The following TMX4 variants were observed in gnomAD, a reference collection of about 807,000 sequenced individuals.
TMX4 encodes thioredoxin-related transmembrane protein 4.
A neutral mutation model predicts 33.3 loss-of-function variants in TMX4; 23 were observed. The ratio of observed to expected loss-of-function variants is 0.69; its 90% CI spans 0.50 to 0.98. TMX4 has a LOEUF of 0.98. Ranked by LOEUF, TMX4 falls within the 50% of genes least tolerant of loss-of-function variation. TMX4 has a pLI of 0.00. For synonymous variants in TMX4, 164 were observed against 161.5 expected, an observed-to-expected ratio of 1.02 and a Z score of -0.12; for missense variants, 399 against 448.9, an observed-to-expected ratio of 0.89 and a Z score of 1.01.
At position 8,004,056 on chromosome 20, in the gene TMX4, C is replaced by T. The variant is rs950482465; in HGVS notation, c.293-2515G>A. Among the ~76,000 whole-genome samples the T allele has an allele frequency of 4.0e-5, 6 of 151,470 alleles. 1 individual carries two copies. The highest frequency in any genetic ancestry group is 2.0e-4 in the Admixed American group (3 of 15,172). The stretch of plus-strand genomic sequence containing the variant: ...CAACAACAACAAGATCCAGAACAGT[C>T]GAAGTCTTCCTTGGATGATGACACG... On this transcript the variant is annotated intron_variant, in intron 2 of 7. Transcript: ENST00000246024.
At chr20:7,995,046 C>T (rs1230147515) in intron 5 of TMX4, among the ~76,000 whole-genome samples, 1 of 152,098 alleles carries the variant, frequency 6.6e-6, no homozygotes, top group African/African-American at 2.4e-5. Context: ...AACCAAAAAA[C>T]CTTGTGGTAG....
chr20:7,978,489 A>G lies in TMX4; in HGVS notation c.*3762T>C, dbSNP rs1465241670. On this transcript the variant is annotated 3_prime_UTR_variant, in exon 8 of 8. Transcript: ENST00000246024. ...CAGGATGCAGGTTCTGTAGACTGAC[A>G]TATTCCCAAATCATATTAGAACATC... 1 of 152,212 alleles carries G rather than the reference A, an allele frequency of 6.6e-6. No individual in the cohort carries two copies. Among genetic ancestry groups the G allele is most frequent in the African/African-American group, 2.4e-5 (1 of 41,462 alleles). 9.4% of individuals were successfully genotyped at this position (152,212 alleles called of 1,614,324 possible). A position where few individuals can be genotyped will look rare whatever the true frequency, so the allele number is the denominator to read the frequency against.
rs982115853 is a variant in TMX4 at position 7,980,733 on chromosome 20, A to G, written c.*1518T>C. 2 of 152,234 alleles carry G rather than the reference A, an allele frequency of 1.3e-5. No homozygotes were observed. Among genetic ancestry groups the G allele is most frequent in the Non-Finnish European group, 2.9e-5 (2 of 68,044 alleles). The allele number at this position is 152,234 out of a possible 1,614,324, so 9.4% of individuals were successfully genotyped here. On this transcript the variant is annotated 3_prime_UTR_variant, in exon 8 of 8. Coordinates refer to ENST00000246024, the MANE Select transcript of TMX4 (RefSeq NM_021156.4). The stretch of plus-strand genomic sequence containing the variant: ...CTCTAAAAGTTGATGCTGTCAGAAG[A>G]ATAACCTCCTTTGTGCAAGTCTTGC...
chr20:7,983,730 G>T, intron 7 of TMX4, 64 bp downstream of exon 7: 3 of 1,378,246 alleles, frequency 2.2e-6, no homozygotes, highest in Admixed American at 1.8e-5. Context: ...ATCTATATGA[G>T]CACAAAAAGG....
In TMX4 at chr20:8,018,341, GA is replaced by G. The variant is rs1420874664; in HGVS notation, c.176+1096del. Among the ~76,000 whole-genome samples the G allele has an allele frequency of 1.6e-3, 159 of 96,708 alleles. 6 individuals carry two copies. The highest frequency in any genetic ancestry group is 6.2e-3 in the African/African-American group (149 of 23,968). The allele number at this position is 96,708 out of a possible 152,430, so 63.4% of individuals were successfully genotyped here. On this transcript the variant is annotated intron_variant, in intron 1 of 7. Coordinates refer to ENST00000246024, the MANE Select transcript of TMX4 (RefSeq NM_021156.4). ...AGAGAGACAGAGAGAGAGAGAGAGA[GA>G]GAGGAGGGAGAGAGAGAGAGAGAGA...
intron 2 of TMX4, among the ~76,000 whole-genome samples, chr20:8,004,323 T>C (rs997273114): frequency 3.3e-5 from 5 of 152,334 alleles, no homozygotes; most frequent in Admixed American, 2.6e-4. Flanking sequence ...CAGGGTTTAA[T>C]AACATTAAGT....
intron 4 of TMX4, among the ~76,000 whole-genome samples, chr20:7,999,122 A>G (rs547125987): frequency 2.6e-5 from 4 of 152,284 alleles, no homozygotes; most frequent in African/African-American, 9.6e-5. Context: ...CTCCTTTTTC[A>G]GTAGGGAAAT....
intron 2 of TMX4, among the ~76,000 whole-genome samples, chr20:8,004,000 T>C (rs1373788936): frequency 6.6e-6 from 1 of 152,084 alleles, no homozygotes; most frequent in South Asian, 2.1e-4. Flanking sequence ...TGGAATAATA[T>C]TCTGTCATAT....
chr20:8,001,639 A>G lies in TMX4; in HGVS notation c.293-98T>C, dbSNP rs1018217362. ...TAATCACATTATTAAAATCACTGCA[A>G]TTGTTGACTCACATTTACTATTTTT... On this transcript the variant is annotated intron_variant, in intron 2 of 7. Coordinates refer to ENST00000246024, the MANE Select transcript of TMX4 (RefSeq NM_021156.4). 2.6e-6 allele frequency: 3 copies of G among 1,141,892 alleles called. No homozygotes were observed. The East Asian group carries it at 7.9e-5, about 30-fold the overall frequency. 70.7% of individuals were successfully genotyped at this position (1,141,892 alleles called of 1,614,324 possible).
intron 5 of TMX4, among the ~76,000 whole-genome samples, chr20:7,990,280 G>A (rs1400024733): frequency 1.3e-5 from 2 of 150,038 alleles, no homozygotes; most frequent in Non-Finnish European, 2.9e-5. Context: ...GGGTGACACA[G>A]TGAGACTCTG....
At chr20:8,006,762 T>TC (rs1408161642) in intron 2 of TMX4, among the ~76,000 whole-genome samples, 2 of 146,558 alleles carry the variant, frequency 1.4e-5, no homozygotes, top group East Asian at 2.0e-4. Flanking sequence ...TTCTTCTTCT[T>TC]TTTTTTTTTT....
rs762916638 is a variant in TMX4, at chr20:8,019,533, G to C, written c.81C>G (p.Pro27=). The C allele has an allele frequency of 1.0e-5, 15 of 1,482,000 alleles. No homozygotes were observed. The African/African-American group carries it at 1.2e-4, about 12-fold the overall frequency. 91.8% of individuals were successfully genotyped at this position (1,482,000 alleles called of 1,614,324 possible). Residue 27 remains proline, a synonymous_variant, in exon 1 of 8, where the codon CCC becomes CCG. Coordinates refer to ENST00000246024, the MANE Select transcript of TMX4 (RefSeq NM_021156.4). ...GCTCCGGCGGCAGCGCGGCCTCCTC[G>C]GGGCCTGCCGTCGCCGCCACAGCCG... is the stretch of plus-strand genomic sequence containing the variant. ...WIAAVAATAG[P]EEAALPPEQS... is the part of the protein sequence containing the mutation.
In TMX4 at chr20:8,010,224, T is replaced by C. The variant is rs764965050; in HGVS notation, c.268A>G (p.Lys90Glu). 42 of 1,611,282 alleles carry C rather than the reference T, an allele frequency of 2.6e-5. No individual in the cohort carries two copies. Among genetic ancestry groups the C allele is most frequent in the Non-Finnish European group, 3.1e-5 (37 of 1,178,170 alleles). Reference protein sequence around the residue: ...NGEILQISVGKVDVIQEPGLS... With the variant: ...NGEILQISVGEVDVIQEPGLS... ...CCTGGTTCTTGAATGACATCTACCT[T>C]CCCCACACTGATCTGAAGTATTTCA... is the stretch of plus-strand genomic sequence containing the variant. Residue 90 changes from lysine (K) to glutamate (E), a missense_variant, in exon 2 of 8, where the codon AAG (lysine) becomes GAG (glutamate). By Grantham distance (56) the Lys-to-Glu change is moderately conservative. Coordinates refer to ENST00000246024, the MANE Select transcript of TMX4 (RefSeq NM_021156.4).
At position 8,010,712 on chromosome 20, in the gene TMX4, T is replaced by A. The variant is rs554422638; in HGVS notation, c.177-397A>T. Among the ~76,000 whole-genome samples the A allele has an allele frequency of 1.6e-4, 25 of 152,230 alleles. No individual in the cohort carries two copies. In the East Asian group the frequency reaches 4.4e-3, roughly 27 times the overall value. On this transcript the variant is annotated intron_variant, in intron 1 of 7. Coordinates refer to ENST00000246024, the MANE Select transcript of TMX4 (RefSeq NM_021156.4). ...CTAAACTAGCCAAACCAGTTTCAAA[T>A]CCATCAAAGCTACAGATCTGATGGG...
rs1326731769 is a variant in TMX4 at position 8,019,571 on chromosome 20, C to T, written c.43G>A (p.Ala15Thr). The T allele has an allele frequency of 5.0e-6, 7 of 1,405,842 alleles. No homozygotes were observed. In the African/African-American group the frequency reaches 9.1e-5, roughly 18 times the overall value. 87.1% of individuals were successfully genotyped at this position (1,405,842 alleles called of 1,614,324 possible). A position where few individuals can be genotyped will look rare whatever the true frequency, so the allele number is the denominator to read the frequency against. ...GCCGCCACAGCCGCGATCCAGGCGGCCAGGAGCGCCGTTAGCTGCGGGCCG... is the reference window on the plus strand; with the variant it reads ...GCCGCCACAGCCGCGATCCAGGCGGTCAGGAGCGCCGTTAGCTGCGGGCCG... ...RCGPQLTALL[A>T]AWIAAVAATA... Residue 15 changes from alanine (A) to threonine (T), a missense_variant, in exon 1 of 8, where the codon GCC (alanine) becomes ACC (threonine). Ala to Thr is a moderately conservative substitution (Grantham distance 58). Transcript: ENST00000246024.
intron 7 of TMX4, among the ~76,000 whole-genome samples, chr20:7,982,822 G>A (rs2050614737): frequency 6.6e-6 from 1 of 152,140 alleles, no homozygotes; most frequent in Admixed American, 6.6e-5. Context: ...GAGATTTCAT[G>A]GACCATAATG....
rs140971821 is a variant in TMX4, at chr20:7,982,374, C to T, written c.927G>A (p.Arg309=). ...CAGCCTCCTCAGGCTCTACTTCCTC[C>T]CGGGTCACACCGTCCTCTCCTGGGG... is the stretch of plus-strand genomic sequence containing the variant. ...QGPPGEDGVT[R]EEVEPEEAEE... The change falls in exon 8 of 8, where the codon CGG becomes CGA. Residue 309 remains arginine (R), a synonymous_variant. Coordinates refer to ENST00000246024, the MANE Select transcript of TMX4 (RefSeq NM_021156.4). 67 of 1,614,102 alleles carry T rather than the reference C, an allele frequency of 4.2e-5. No homozygotes were observed. Among genetic ancestry groups the T allele is most frequent in the Non-Finnish European group, 1.6e-5 (19 of 1,180,034 alleles).
At chr20:7,999,693 G>T (rs200767534) in intron 4 of TMX4, 39 bp downstream of exon 4, 22 of 1,589,486 alleles carry the variant, frequency 1.4e-5, no homozygotes, top group Non-Finnish European at 1.8e-5. Flanking sequence ...AAAACCTCCT[G>T]TTTTATTAGT....
chr20:8,003,728 G>A (rs2050716529), intron 2 of TMX4, among the ~76,000 whole-genome samples: 2 of 152,192 alleles, frequency 1.3e-5, no homozygotes, highest in Non-Finnish European at 2.9e-5. Context: ...AGGAATAACA[G>A]GAGAGTTCTT....
Sources: allele counts gnomAD v4.1 joint callset (sites outside exome capture counted in the v4.1 genomes callset), GRCh38; gene constraint gnomAD v4.1.1; transcripts MANE v1.5; gene names NCBI Gene and HGNC (gene_info 2026-07-23, HGNC 2026-07-21).